The following TPST1 variants were observed in gnomAD, a reference collection of about 807,000 sequenced individuals.
The protein encoded by TPST1 is protein-tyrosine sulfotransferase 1.
TPST1 carries 20 observed loss-of-function variants against 34.8 expected under a neutral mutation model. The ratio of observed to expected loss-of-function variants is 0.57; its 90% CI spans 0.40 to 0.84. TPST1 has a LOEUF of 0.84. Among genes scored for constraint, TPST1 ranks in the 40% least tolerant of loss-of-function variants. The probability of loss-of-function intolerance (pLI) is 0.00; values close to 1 mark genes in which losing one functional copy is unlikely to be tolerated. For synonymous variants in TPST1, 152 were observed against 159.4 expected (o/e 0.95, Z 0.35); for missense variants, 353 against 455.5 (o/e 0.78, Z 2.05).
upstream of TPST1, among the ~76,000 whole-genome samples, chr7:66,201,557 G>C (rs922959786): frequency 6.6e-6 from 1 of 152,094 alleles, no homozygotes; most frequent in Non-Finnish European, 1.5e-5. Flanking sequence ...TGGGCGTGGT[G>C]GTGGGCACCT....
intron 3 of TPST1, among the ~76,000 whole-genome samples, chr7:66,314,158 G>A (rs138843108): frequency 3.0e-4 from 46 of 152,302 alleles, no homozygotes; most frequent in African/African-American, 8.2e-4. Flanking sequence ...CTGTCACACC[G>A]TTGATGTTAA....
At chr7:66,233,982 C>T (rs939325416) in intron 1 of TPST1, among the ~76,000 whole-genome samples, 3 of 152,206 alleles carry the variant, frequency 2.0e-5, no homozygotes, top group African/African-American at 7.2e-5. Context: ...CTGCCTCAGC[C>T]TCCGGAGTAG....
At chr7:66,322,530 C>T (rs774476186) in intron 3 of TPST1, among the ~76,000 whole-genome samples, 61 of 152,268 alleles carry the variant, frequency 4.0e-4, no homozygotes, top group Non-Finnish European at 6.9e-4. Flanking sequence ...GCATAATGTC[C>T]TCAAGTTTCA....
chr7:66,354,333 C>T (rs1792538949), intron 4 of TPST1, among the ~76,000 whole-genome samples: 2 of 151,876 alleles, frequency 1.3e-5, no homozygotes, highest in Admixed American at 6.6e-5. Flanking sequence ...CGCCCAGGTG[C>T]GGTGGTTCAC....
At chr7:66,330,715 AGGCT>A (rs1168576887) in intron 3 of TPST1, among the ~76,000 whole-genome samples, 1 of 152,166 alleles carries the variant, frequency 6.6e-6, no homozygotes, top group Non-Finnish European at 1.5e-5. Context: ...CTGGCAATTT[AGGCT>A]TTACTGCTCC....
intron 3 of TPST1, among the ~76,000 whole-genome samples, chr7:66,314,072 T>C (rs1455713573): frequency 6.6e-6 from 1 of 152,228 alleles, no homozygotes; most frequent in Middle Eastern, 3.2e-3. Flanking sequence ...GGGTTATGCA[T>C]ATGAGGCCAC....
intron 3 of TPST1, among the ~76,000 whole-genome samples, chr7:66,315,625 G>A (rs567657955): frequency 1.3e-5 from 2 of 152,300 alleles, no homozygotes; most frequent in South Asian, 2.1e-4. Flanking sequence ...TCTCTGATGC[G>A]CAAGAACTGA....
chr7:66,258,760 C>G (rs745946738), intron 2 of TPST1, among the ~76,000 whole-genome samples: 4 of 152,198 alleles, frequency 2.6e-5, no homozygotes, highest in African/African-American at 9.7e-5. Context: ...GATTCTTACG[C>G]TCCTTAGACC....
chr7:66,355,430 G>A (rs1261516515), intron 4 of TPST1, among the ~76,000 whole-genome samples: 4 of 150,668 alleles, frequency 2.7e-5, no homozygotes, highest in Non-Finnish European at 4.4e-5. Context: ...AGCTGAGAAC[G>A]TGCCACTGCA....
rs573559892 is a variant in TPST1 at position 66,212,591 on chromosome 7, C to T, written c.-102+7069C>T. Among the ~76,000 whole-genome samples, 309 of 151,918 alleles carry T rather than the reference C, an allele frequency of 2.0e-3. 1 individual carries two copies. The highest frequency in any genetic ancestry group is 6.8e-3 in the African/African-American group (282 of 41,422). ...TCTCCTGCCTCAGCCTCCCAAGTAGCTGGCATTACAGGCTCCCGCTACCAG... is the reference window on the plus strand; with the variant it reads ...TCTCCTGCCTCAGCCTCCCAAGTAGTTGGCATTACAGGCTCCCGCTACCAG... On this transcript the variant is annotated intron_variant, in intron 1 of 5. Transcript: ENST00000304842.
chr7:66,285,045 A>G (rs1791007224), intron 2 of TPST1, among the ~76,000 whole-genome samples: 1 of 152,106 alleles, frequency 6.6e-6, no homozygotes, highest in Admixed American at 6.6e-5. Context: ...AAAACTCTTC[A>G]CTTATTCCTT....
chr7:66,211,620 C>T (rs1307398235), intron 1 of TPST1, among the ~76,000 whole-genome samples: 1 of 152,226 alleles, frequency 6.6e-6, no homozygotes, highest in Non-Finnish European at 1.5e-5. Flanking sequence ...CTGTTTCTTT[C>T]TTTCCTGCTT....
chr7:66,338,392 C>T, intron 3 of TPST1, among the ~76,000 whole-genome samples: 1 of 152,132 alleles, frequency 6.6e-6, no homozygotes, highest in Non-Finnish European at 1.5e-5. Flanking sequence ...TACTAGGGAA[C>T]ATCCACACTT....
At chr7:66,247,320 C>T (rs527721155) in intron 2 of TPST1, among the ~76,000 whole-genome samples, 3 of 152,090 alleles carry the variant, frequency 2.0e-5, no homozygotes, top group Non-Finnish European at 4.4e-5. Flanking sequence ...CCCAGCTACT[C>T]GGGAGGCTGA....
intron 2 of TPST1, among the ~76,000 whole-genome samples, chr7:66,276,365 C>CAT (rs138862941): frequency 0.011 from 1,014 of 90,836 alleles, 136 homozygotes; most frequent in East Asian, 0.045. Context: ...AAAAACATTT[C>CAT]ATATATATAT....
chr7:66,355,716 A>G (rs567795317), intron 4 of TPST1, among the ~76,000 whole-genome samples: 54 of 151,992 alleles, frequency 3.6e-4, no homozygotes, highest in African/African-American at 1.3e-3. Context: ...CCTGGCAAAC[A>G]TGGCAAAACT....
chr7:66,286,559 T>G lies in TPST1; in HGVS notation c.894T>G (p.Ala298=), dbSNP rs1447642109. 1 of 1,607,320 alleles carries G rather than the reference T, an allele frequency of 6.2e-7. No individual in the cohort carries two copies. Among genetic ancestry groups the G allele is most frequent in the Non-Finnish European group, 8.5e-7 (1 of 1,176,076 alleles). Reference sequence around the variant, plus strand: ...TAATCAAGCCAGTCAATGTAGGAGCTCTATCAAAATGGGTTGGGAAGATAC... The same window carrying G: ...TAATCAAGCCAGTCAATGTAGGAGCGCTATCAAAATGGGTTGGGAAGATAC... ...DQVIKPVNVG[A]LSKWVGKIPP... is the part of the protein sequence containing the mutation. Residue 298 remains alanine, a synonymous_variant, in exon 3 of 6, where the codon GCT becomes GCG. Transcript: ENST00000304842.
At chr7:66,278,153 G>A (rs2115864211) in intron 2 of TPST1, among the ~76,000 whole-genome samples, 1 of 147,010 alleles carries the variant, frequency 6.8e-6, no homozygotes, top group Middle Eastern at 3.5e-3. Context: ...GGTGAGAGAT[G>A]TTTGCTTGGA....
chr7:66,300,122 C>A (rs1202132107), intron 3 of TPST1, among the ~76,000 whole-genome samples: 1 of 152,126 alleles, frequency 6.6e-6, no homozygotes. Flanking sequence ...AATCATTTTG[C>A]TGGTGGAGAC....
Sources: allele counts gnomAD v4.1 joint callset (sites outside exome capture counted in the v4.1 genomes callset), GRCh38; gene constraint gnomAD v4.1.1; transcripts MANE v1.5; gene names NCBI Gene and HGNC (gene_info 2026-07-23, HGNC 2026-07-21).